PTCH1: variants seen among roughly 807,000 people sequenced by gnomAD.
The protein encoded by PTCH1 is patched 1.
Under a neutral mutation model 144.6 loss-of-function variants are expected in PTCH1, and 14 were observed. The ratio of observed to expected loss-of-function variants is 0.10; its 90% CI spans 0.06 to 0.15. The LOEUF (loss-of-function observed/expected upper bound fraction) is 0.15. Ranked by LOEUF, PTCH1 falls within the 10% of genes least tolerant of loss-of-function variation. PTCH1 has a pLI of 1.00. For missense variants in PTCH1, 1,623 were observed against 1,948.3 expected (o/e 0.83, Z 3.14); for synonymous variants, 833 against 793.6 (o/e 1.05, Z -0.83).
intron 15 of PTCH1, among the ~76,000 whole-genome samples, chr9:95,464,402 C>T (rs1241364935): frequency 6.6e-6 from 1 of 152,166 alleles, no homozygotes; most frequent in Non-Finnish European, 1.5e-5. Context: ...ACCTTAATAT[C>T]TTAGCTAGAA....
rs762040036 is a variant in PTCH1, at chr9:95,449,298, C to T, written c.3575G>A (p.Arg1192His). The change falls in exon 22 of 24, where the codon CGC becomes CAC. Residue 1192 changes from arginine to histidine, a missense_variant. This residue lies in a region of PTCH1 where 504 missense variants were observed against 679.3 expected (regional missense o/e 0.74). Transcript: ENST00000331920. This position sits in a 1 kb window ranked among gnomAD's most constrained non-coding sequence, Gnocchi z 5.3. The part of the protein sequence containing the change: ...PEVSPANGLN[R>H]LPTPSPEPPP... ...TGGCTCAGGGGAGGGTGTGGGCAGG[C>T]GGTTCAAGCCGTTGGCTGGAGACAC... The T allele has an allele frequency of 1.4e-5, 21 of 1,554,176 alleles. No individual in the cohort carries two copies. Among genetic ancestry groups the T allele is most frequent in the African/African-American group, 5.4e-5 (4 of 73,582 alleles).
At chr9:95,516,678 T>A in exon 1 of PTCH1, 1 of 1,608,076 alleles carries the variant, frequency 6.2e-7, no homozygotes, top group East Asian at 2.3e-5. Flanking sequence ...TCCTCCGTTT[T>A]CTTCTTCTTC....
At chr9:95,477,451 GAGAAGGACAC>G in intron 10 of PTCH1, 86 bp downstream of exon 10, 5 of 1,529,446 alleles carry the variant, frequency 3.3e-6, no homozygotes, top group Non-Finnish European at 3.6e-6. Context: ...CCCTTCCGGT[GAGAAGGACAC>G]ACAGCACACA....
Position 95,472,716 on chromosome 9 carries a change from G to C in PTCH1, c.1729-2785C>G, listed in dbSNP as rs551645414. Among the ~76,000 whole-genome samples, 4 of 152,294 alleles carry C rather than the reference G, an allele frequency of 2.6e-5. No individual in the cohort carries two copies. In the East Asian group the frequency reaches 7.7e-4, roughly 29 times the overall value. Reference sequence around the variant, plus strand: ...GGCACCTTGCTCCGTGTCCATGACGGAAATGAAGGGATGAGGGAAGAACCC... The same window carrying C: ...GGCACCTTGCTCCGTGTCCATGACGCAAATGAAGGGATGAGGGAAGAACCC... On this transcript the variant is annotated intron_variant, in intron 12 of 23. Coordinates refer to ENST00000331920, the MANE Select transcript of PTCH1 (RefSeq NM_000264.5).
chr9:95,511,187 A>T (rs964415945), upstream of PTCH1, among the ~76,000 whole-genome samples: 2 of 150,332 alleles, frequency 1.3e-5, no homozygotes, highest in Non-Finnish European at 3.0e-5. Context: ...GGGGCGGTCC[A>T]CGCGGCTCCC....
intron 15 of PTCH1, among the ~76,000 whole-genome samples, chr9:95,463,007 C>G (rs1009258202): frequency 6.9e-6 from 1 of 144,986 alleles, no homozygotes; most frequent in African/African-American, 2.5e-5. Flanking sequence ...CCCACCCACC[C>G]TTGCCCCTCC....
At chr9:95,491,914 G>C (rs1236028717) in intron 2 of PTCH1, among the ~76,000 whole-genome samples, 3 of 152,166 alleles carry the variant, frequency 2.0e-5, no homozygotes, top group Non-Finnish European at 4.4e-5. Context: ...AGCAGACCTG[G>C]TAAAAATGTG....
intron 12 of PTCH1, among the ~76,000 whole-genome samples, chr9:95,475,563 A>G (rs1052025699): frequency 1.3e-5 from 2 of 152,130 alleles, no homozygotes; most frequent in Non-Finnish European, 2.9e-5. Flanking sequence ...ATGCGACCTC[A>G]GCTTAATACT....
In PTCH1 at chr9:95,445,578, G is replaced by A. The variant is rs1008893495; in HGVS notation, c.*815C>T. On this transcript the variant is annotated 3_prime_UTR_variant, in exon 24 of 24. Coordinates refer to ENST00000331920, the MANE Select transcript of PTCH1 (RefSeq NM_000264.5). ...AAGAGATGCCGTAGACACGAGGAGA[G>A]TCTAGCTTTTGCCGGGCTGATTTGA... 6.6e-6 allele frequency: 1 copy of A among 152,272 alleles called. No individual in the cohort carries two copies. Among genetic ancestry groups the A allele is most frequent in the African/African-American group, 2.4e-5 (1 of 41,460 alleles). The allele number at this position is 152,272 out of a possible 1,614,324, so 9.4% of individuals were successfully genotyped here. A position where few individuals can be genotyped will look rare whatever the true frequency, so the allele number is the denominator to read the frequency against.
chr9:95,508,671 C>A lies in PTCH1; in HGVS notation c.-310G>T. The A allele has an allele frequency of 1.0e-6, 1 of 987,616 alleles. No individual in the cohort carries two copies. The highest frequency in any genetic ancestry group is 1.2e-6 in the Non-Finnish European group (1 of 831,602). The allele number at this position is 987,616 out of a possible 1,614,324, so 61.2% of individuals were successfully genotyped here. A position where few individuals can be genotyped will look rare whatever the true frequency, so the allele number is the denominator to read the frequency against. On this transcript the variant is annotated 5_prime_UTR_variant, in exon 1 of 24. Coordinates refer to ENST00000331920, the MANE Select transcript of PTCH1 (RefSeq NM_000264.5). ...TGCCCACATCCAGTTCGCGGAAGAG[C>A]GAGAGCCGGCGCGCCGAGCGAGCCT...
intron 1 of PTCH1, among the ~76,000 whole-genome samples, chr9:95,515,993 C>G (rs1844345959): frequency 6.6e-6 from 1 of 151,994 alleles, no homozygotes; most frequent in Non-Finnish European, 1.5e-5. Flanking sequence ...GCTCTGAGCC[C>G]CCTCCCCTCG....
Position 95,449,713 on chromosome 9 carries a change from G to T in PTCH1, c.3549+128C>A. 1 of 938,960 alleles carries T rather than the reference G, an allele frequency of 1.1e-6. No homozygotes were observed. 58.2% of individuals were successfully genotyped at this position (938,960 alleles called of 1,614,324 possible). A position where few individuals can be genotyped will look rare whatever the true frequency, so the allele number is the denominator to read the frequency against. On this transcript the variant is annotated intron_variant, in intron 21 of 23. Transcript: ENST00000331920. The surrounding 1 kb of genome is among the most constrained non-coding windows in gnomAD (Gnocchi z 5.3). Reference sequence around the variant, plus strand: ...GTACACCGAAGAGGAAAACAGACATGACTCTGAGATGTTTACTGAAGAACC... The same window carrying T: ...GTACACCGAAGAGGAAAACAGACATTACTCTGAGATGTTTACTGAAGAACC...
chr9:95,481,814 C>CAA, intron 5 of PTCH1, 135 bp downstream of exon 5: 1 of 887,646 alleles, frequency 1.1e-6, no homozygotes, highest in Middle Eastern at 2.2e-4. Context: ...ACTATTCACT[C>CAA]AAAAAATGCA....
intron 12 of PTCH1, among the ~76,000 whole-genome samples, chr9:95,472,274 C>T (rs548945679): frequency 2.0e-5 from 3 of 152,160 alleles, no homozygotes; most frequent in African/African-American, 4.8e-5. Flanking sequence ...ATAAAGTCCC[C>T]GAAGTGCGGT....
At position 95,476,645 on chromosome 9, in the gene PTCH1, G is replaced by T; in HGVS notation, c.1602+114C>A. On this transcript the variant is annotated intron_variant, in intron 11 of 23. Transcript: ENST00000331920. The surrounding 1 kb of genome is among the most constrained non-coding windows in gnomAD (Gnocchi z 4.6). ...ACTGGCAGCCAGTGACACATCATCT[G>T]ACATGGGACTGAAATCTTTACTGGG... 1.0e-6 allele frequency: 1 copy of T among 1,005,016 alleles called. No homozygotes were observed. The highest frequency in any genetic ancestry group is 1.5e-6 in the Non-Finnish European group (1 of 649,964). The allele number at this position is 1,005,016 out of a possible 1,614,324, so 62.3% of individuals were successfully genotyped here. A position where few individuals can be genotyped will look rare whatever the true frequency, so the allele number is the denominator to read the frequency against.
chr9:95,482,315 ATC>A, intron 3 of PTCH1, 112 bp from the exon 4 acceptor site: 1 of 1,086,212 alleles, frequency 9.2e-7, no homozygotes, highest in South Asian at 1.4e-5. Context: ...ACTTTTAAGC[ATC>A]TGTCAAAACG....
chr9:95,485,261 C>T lies in PTCH1; in HGVS notation c.584+424G>A, dbSNP rs141071502. 2.5e-3 allele frequency among the ~76,000 whole-genome samples: 383 copies of T among 152,292 alleles called. 1 individual carries two copies. The highest frequency in any genetic ancestry group is 8.4e-3 in the African/African-American group (348 of 41,560). On this transcript the variant is annotated intron_variant, in intron 3 of 23. Transcript: ENST00000331920. ...ATTCCCATGGTGGCTCAGCCCCCAACGTGCTGTGTGACACAAAACAACTAA... is the reference window on the plus strand; with the variant it reads ...ATTCCCATGGTGGCTCAGCCCCCAATGTGCTGTGTGACACAAAACAACTAA...
At chr9:95,507,903 T>TGTAC (rs1843837736) in intron 1 of PTCH1, 1 of 1,300,538 alleles carries the variant, frequency 7.7e-7, no homozygotes, top group Non-Finnish European at 9.8e-7. Flanking sequence ...AGGGCGTGTG[T>TGTAC]ATACACACAC....
intron 20 of PTCH1, 51 bp downstream of exon 20, chr9:95,453,427 G>A: frequency 6.2e-7 from 1 of 1,610,810 alleles, no homozygotes; most frequent in Non-Finnish European, 8.5e-7. Context: ...ACTGCACCCG[G>A]CCCAATCACA....
Sources: allele counts gnomAD v4.1 joint callset (sites outside exome capture counted in the v4.1 genomes callset), GRCh38; gene constraint gnomAD v4.1.1; regional missense constraint gnomAD v4.1.1; non-coding constraint Gnocchi (gnomAD v3.1); transcripts MANE v1.5; gene names NCBI Gene and HGNC (gene_info 2026-07-23, HGNC 2026-07-21).